The following PALLD variants were observed in gnomAD, a reference collection of about 807,000 sequenced individuals.
PALLD encodes palladin, cytoskeletal associated protein.
A neutral mutation model predicts 123.5 loss-of-function variants in PALLD; 61 were observed. The observed-to-expected ratio is 0.49, with a 90% CI of 0.40 to 0.61. PALLD has a LOEUF of 0.61. PALLD is among the 20% of genes least tolerant of loss of function. The probability of loss-of-function intolerance (pLI) is 0.00; values close to 1 mark genes in which losing one functional copy is unlikely to be tolerated. For synonymous variants in PALLD, 465 were observed against 496.4 expected (o/e 0.94, Z 0.84); for missense variants, 1,273 against 1,377.0 (o/e 0.92, Z 1.20).
At chr4:168,784,885 G>A (rs1456244090) in intron 10 of PALLD, among the ~76,000 whole-genome samples, 1 of 152,150 alleles carries the variant, frequency 6.6e-6, no homozygotes, top group Non-Finnish European at 1.5e-5. Context: ...GCTCTGGTCA[G>A]TCTGGTCATG....
At chr4:168,690,461 T>C (rs1268345059) in intron 6 of PALLD, 142 bp from the exon 7 acceptor site, 1 of 1,005,756 alleles carries the variant, frequency 9.9e-7, no homozygotes, top group Non-Finnish European at 1.6e-6. Flanking sequence ...GAGTCAGTGC[T>C]AATTATTTGA....
chr4:168,706,176 A>G (rs750941725), intron 8 of PALLD, among the ~76,000 whole-genome samples: 14 of 152,222 alleles, frequency 9.2e-5, no homozygotes, highest in South Asian at 6.2e-4. Flanking sequence ...CTTGCCCCCA[A>G]TGCTTGGCAG....
chr4:168,526,629 C>T (rs1300204871), intron 2 of PALLD, among the ~76,000 whole-genome samples: 1 of 152,140 alleles, frequency 6.6e-6, no homozygotes, highest in African/African-American at 2.4e-5. Flanking sequence ...CATGCAAACA[C>T]AATGCTACAC....
chr4:168,846,226 A>G (rs770475341), intron 10 of PALLD, among the ~76,000 whole-genome samples: 1 of 152,224 alleles, frequency 6.6e-6, no homozygotes, highest in African/African-American at 2.4e-5. Flanking sequence ...GAAGTACTAT[A>G]TAGATCCACT....
chr4:168,829,967 C>A (rs1743963067), intron 10 of PALLD, among the ~76,000 whole-genome samples: 1 of 152,170 alleles, frequency 6.6e-6, no homozygotes, highest in African/African-American at 2.4e-5. Context: ...TGCAGTGGGT[C>A]ATGCCTATAA....
intron 2 of PALLD, among the ~76,000 whole-genome samples, chr4:168,607,425 A>G (rs13144693): frequency 0.42 from 63,858 of 152,016 alleles, 14,143 homozygotes; most frequent in East Asian, 0.8. Context: ...TTGTCGACTC[A>G]TGTAATTTTG....
intron 10 of PALLD, among the ~76,000 whole-genome samples, chr4:168,808,692 A>G (rs911955371): frequency 2.6e-5 from 4 of 152,240 alleles, no homozygotes; most frequent in Non-Finnish European, 4.4e-5. Flanking sequence ...ATCATGGCAG[A>G]AGGTGAAAGG....
chr4:168,616,398 T>C (rs1477361750), intron 2 of PALLD, among the ~76,000 whole-genome samples: 1 of 152,234 alleles, frequency 6.6e-6, no homozygotes, highest in African/African-American at 2.4e-5. Flanking sequence ...AGACTATTTG[T>C]TGACTTCATC....
intron 10 of PALLD, among the ~76,000 whole-genome samples, chr4:168,750,568 G>A (rs114590143): frequency 0.013 from 1,988 of 152,144 alleles, 41 homozygotes; most frequent in African/African-American, 0.045. Flanking sequence ...CCACTATTTA[G>A]TATGCTTTTT....
intron 10 of PALLD, among the ~76,000 whole-genome samples, chr4:168,752,547 T>C (rs1404377568): frequency 6.6e-6 from 1 of 152,228 alleles, no homozygotes; most frequent in African/African-American, 2.4e-5. Context: ...ACTAAGATGA[T>C]TCTAGATTTG....
intron 18 of PALLD, among the ~76,000 whole-genome samples, chr4:168,922,096 TATATATACAC>T (rs1180863032): frequency 1.5e-3 from 154 of 104,902 alleles, no homozygotes; most frequent in African/African-American, 4.6e-3. Flanking sequence ...TATATATATA[TATATATACAC>T]ACACACACAC....
At chr4:168,635,402 C>T (rs1029043834) in intron 2 of PALLD, among the ~76,000 whole-genome samples, 2 of 152,152 alleles carry the variant, frequency 1.3e-5, no homozygotes, top group African/African-American at 2.4e-5. Flanking sequence ...CATCTCCTGC[C>T]TCTCCTATGT....
At chr4:168,705,220 T>C (rs1055654038) in intron 8 of PALLD, among the ~76,000 whole-genome samples, 2 of 152,194 alleles carry the variant, frequency 1.3e-5, no homozygotes, top group Non-Finnish European at 2.9e-5. Flanking sequence ...CTGATGATTT[T>C]CTCATTCAAG....
intron 2 of PALLD, among the ~76,000 whole-genome samples, chr4:168,606,198 C>A (rs1019193164): frequency 6.6e-6 from 1 of 152,098 alleles, no homozygotes; most frequent in African/African-American, 2.4e-5. Flanking sequence ...GTTGAGCATC[C>A]TTACGTGTGA....
intron 10 of PALLD, among the ~76,000 whole-genome samples, chr4:168,796,079 A>G (rs1267513777): frequency 6.6e-6 from 1 of 152,110 alleles, no homozygotes; most frequent in Non-Finnish European, 1.5e-5. Context: ...AGTTATTTTT[A>G]AATGTACAAT....
chr4:168,922,077 TTTTATA>T (rs1212285857), intron 18 of PALLD, among the ~76,000 whole-genome samples: 18 of 141,120 alleles, frequency 1.3e-4, no homozygotes, highest in Non-Finnish European at 2.4e-4. Context: ...ATATATAAAG[TTTTATA>T]TTTATATATA....
chr4:168,701,082 A>G (rs149160186), intron 8 of PALLD, among the ~76,000 whole-genome samples: 5 of 152,260 alleles, frequency 3.3e-5, no homozygotes, highest in African/African-American at 9.6e-5. Context: ...GATGTCTCCA[A>G]AAAAGTTTAC....
Position 168,927,837 on chromosome 4 carries a change from T to G in PALLD, c.*1657T>G. Reference sequence around the variant, plus strand: ...GAGAAAAAATAATTTGACCTAGTAGTATAAAACATGAGGCTTTAATGGTAC... The same window carrying G: ...GAGAAAAAATAATTTGACCTAGTAGGATAAAACATGAGGCTTTAATGGTAC... On this transcript the variant is annotated 3_prime_UTR_variant, in exon 22 of 22. Coordinates refer to ENST00000505667, the MANE Select transcript of PALLD (RefSeq NM_001166108.2). 4.7e-6 allele frequency: 1 copy of G among 213,906 alleles called. No homozygotes were observed. Among genetic ancestry groups the G allele is most frequent in the East Asian group, 7.0e-5 (1 of 14,248 alleles). 13.3% of individuals were successfully genotyped at this position (213,906 alleles called of 1,614,324 possible).
intron 8 of PALLD, among the ~76,000 whole-genome samples, chr4:168,704,842 C>A (rs573726931): frequency 2.6e-5 from 4 of 151,838 alleles, no homozygotes; most frequent in African/African-American, 9.7e-5. Context: ...GCTATCAAGA[C>A]AAGTGGGAGA....
Sources: allele counts gnomAD v4.1 joint callset (sites outside exome capture counted in the v4.1 genomes callset), GRCh38; gene constraint gnomAD v4.1.1; transcripts MANE v1.5; gene names NCBI Gene and HGNC (gene_info 2026-07-23, HGNC 2026-07-21).